Variants in RASGRF2 observed in about 807,000 individuals in gnomAD.
RASGRF2 encodes the protein Ras protein specific guanine nucleotide releasing factor 2.
RASGRF2 carries 76 observed loss-of-function variants against 151.0 expected under a neutral mutation model. That is an observed-to-expected ratio of 0.50 (90% CI 0.42 to 0.61). RASGRF2 has a LOEUF of 0.61. Among genes scored for constraint, RASGRF2 ranks in the 20% least tolerant of loss-of-function variants. The probability of loss-of-function intolerance (pLI) is 0.00; values close to 1 mark genes in which losing one functional copy is unlikely to be tolerated. For synonymous variants in RASGRF2, 504 were observed against 566.5 expected, an observed-to-expected ratio of 0.89 and a Z score of 1.57; for missense variants, 1,148 against 1,564.6, an observed-to-expected ratio of 0.73 and a Z score of 4.49.
At chr5:81,108,881 T>TGTGTGTGTG in intron 12 of RASGRF2, 115 bp from the exon 13 acceptor site, 1 of 859,996 alleles carries the variant, frequency 1.2e-6, no homozygotes, top group Non-Finnish European at 1.6e-6. Context: ...TGTGTGTGTG[T>TGTGTGTGTG]AAGAGACAGG....
chr5:81,178,435 G>A (rs1754832797), intron 17 of RASGRF2, among the ~76,000 whole-genome samples: 1 of 152,178 alleles, frequency 6.6e-6, no homozygotes, highest in South Asian at 2.1e-4. Flanking sequence ...AGTTTGAAGT[G>A]TGTTTGAAAC....
intron 12 of RASGRF2, among the ~76,000 whole-genome samples, chr5:81,103,044 T>C (rs913473385): frequency 2.0e-5 from 3 of 151,784 alleles, no homozygotes; most frequent in Admixed American, 2.0e-4. Flanking sequence ...TAAAGTATAA[T>C]AAAACTATAA....
At chr5:81,172,429 ATGTGCG>A (rs772484954) in intron 17 of RASGRF2, among the ~76,000 whole-genome samples, 9 of 115,166 alleles carry the variant, frequency 7.8e-5, no homozygotes, top group East Asian at 2.7e-4. Flanking sequence ...GTCTACAAGG[ATGTGCG>A]TGTGTGTGTG....
chr5:81,068,828 C>T (rs968187486), intron 3 of RASGRF2, among the ~76,000 whole-genome samples: 1 of 152,078 alleles, frequency 6.6e-6, no homozygotes, highest in African/African-American at 2.4e-5. Context: ...TGCCTGAGTC[C>T]TCCCTCCCTC....
At chr5:81,021,329 TA>T (rs1472782837) in intron 1 of RASGRF2, among the ~76,000 whole-genome samples, 2 of 150,426 alleles carry the variant, frequency 1.3e-5, no homozygotes, top group Admixed American at 6.7e-5. Context: ...TATGCTTAGA[TA>T]TACAAATAAA....
At chr5:81,202,511 C>T (rs1755420219) in intron 19 of RASGRF2, among the ~76,000 whole-genome samples, 1 of 152,120 alleles carries the variant, frequency 6.6e-6, no homozygotes, top group South Asian at 2.1e-4. Context: ...TTTCTTAGCC[C>T]CCATTAGCTG....
At chr5:81,022,869 A>C (rs906989750) in intron 1 of RASGRF2, among the ~76,000 whole-genome samples, 1 of 152,214 alleles carries the variant, frequency 6.6e-6, no homozygotes, top group Non-Finnish European at 1.5e-5. Context: ...CCCAGTGACA[A>C]AGGGTTGCGT....
chr5:81,068,483 G>C (rs1435978900), intron 3 of RASGRF2, among the ~76,000 whole-genome samples: 3 of 150,006 alleles, frequency 2.0e-5, no homozygotes, highest in Non-Finnish European at 1.5e-5. Context: ...GCATTTAACT[G>C]TTTTCAGATA....
chr5:81,068,140 T>C lies in RASGRF2; in HGVS notation c.504T>C (p.Leu168=), dbSNP rs770247185. Residue 168 remains leucine (L), a synonymous_variant, in exon 3 of 27, where the codon CTT becomes CTC. Coordinates refer to ENST00000265080, the MANE Select transcript of RASGRF2 (RefSeq NM_006909.3). ...CAGCTAACCAACTCCGACATCAACT[T>C]GAAGATCAAGACACAGAAATCGAAA... The part of the protein sequence containing the change: ...KIAANQLRHQ[L]EDQDTEIERL... 4 of 1,613,018 alleles carry C rather than the reference T, an allele frequency of 2.5e-6. No individual in the cohort carries two copies. Among genetic ancestry groups the C allele is most frequent in the Non-Finnish European group, 3.4e-6 (4 of 1,179,418 alleles).
intron 1 of RASGRF2, among the ~76,000 whole-genome samples, chr5:80,972,708 G>C (rs1053902504): frequency 2.0e-5 from 3 of 152,160 alleles, no homozygotes; most frequent in African/African-American, 4.8e-5. Context: ...TTGAACTCCT[G>C]ACTTCAAGTG....
At position 80,974,906 on chromosome 5, in the gene RASGRF2, G is replaced by A. The variant is rs78323343; in HGVS notation, c.288+13880G>A. ...AGGATTTACTTTTGCTTTCTTGCAGGCATTAGTGTGGGGGCACATTCTATT... is the reference window on the plus strand; with the variant it reads ...AGGATTTACTTTTGCTTTCTTGCAGACATTAGTGTGGGGGCACATTCTATT... On this transcript the variant is annotated intron_variant, in intron 1 of 26. Transcript: ENST00000265080. Among the ~76,000 whole-genome samples, 1,514 of 152,214 alleles carry A rather than the reference G, an allele frequency of 9.9e-3. 21 individuals are homozygous for A. The highest frequency in any genetic ancestry group is 0.034 in the African/African-American group (1,426 of 41,520).
chr5:81,142,109 A>G (rs1753897850), intron 17 of RASGRF2, among the ~76,000 whole-genome samples: 1 of 152,226 alleles, frequency 6.6e-6, no homozygotes, highest in Non-Finnish European at 1.5e-5. Flanking sequence ...AAATTTGGGC[A>G]GGAATTACAT....
rs77818309 is a variant in RASGRF2 at position 81,086,672 on chromosome 5, A to G, written c.1272-163A>G. Reference sequence around the variant, plus strand: ...AGGCACATTGGCTTTGTTTTTGGTCATGACCTGTTGAAGCCTGGAAAGATC... The same window carrying G: ...AGGCACATTGGCTTTGTTTTTGGTCGTGACCTGTTGAAGCCTGGAAAGATC... On this transcript the variant is annotated intron_variant, in intron 8 of 26. Transcript: ENST00000265080. Among the ~76,000 whole-genome samples, 38 of 152,292 alleles carry G rather than the reference A, an allele frequency of 2.5e-4. 1 individual carries two copies. The East Asian group carries it at 6.6e-3, about 26-fold the overall frequency.
intron 17 of RASGRF2, among the ~76,000 whole-genome samples, chr5:81,145,754 C>T (rs149200215): frequency 3.3e-5 from 5 of 152,340 alleles, no homozygotes; most frequent in African/African-American, 1.2e-4. Flanking sequence ...CCCTAGTGGA[C>T]ACCTGGACTC....
At chr5:80,968,803 C>T (rs890757311) in intron 1 of RASGRF2, among the ~76,000 whole-genome samples, 1 of 152,094 alleles carries the variant, frequency 6.6e-6, no homozygotes. Context: ...CCTTCCTCAG[C>T]CTCCCAAGTA....
chr5:80,974,667 C>T (rs1392233621), intron 1 of RASGRF2, among the ~76,000 whole-genome samples: 10 of 126,894 alleles, frequency 7.9e-5, no homozygotes, highest in African/African-American at 2.6e-4. Context: ...GGAGGTGTCC[C>T]TTCCCACCTT....
intron 1 of RASGRF2, among the ~76,000 whole-genome samples, chr5:81,030,072 A>G (rs891180117): frequency 2.0e-5 from 3 of 152,198 alleles, no homozygotes; most frequent in South Asian, 2.1e-4. Flanking sequence ...GATCAAATAA[A>G]TGAAATGAAG....
Position 81,199,529 on chromosome 5 carries a change from C to G in RASGRF2, c.2794-1801C>G, listed in dbSNP as rs566324382. On this transcript the variant is annotated intron_variant, in intron 18 of 26. Transcript: ENST00000265080. ...ACTGTTAATTCTGTTCTCTAATACA[C>G]TTCATTCAACCATTTTAGCATTCAG... 7.6e-4 allele frequency among the ~76,000 whole-genome samples: 116 copies of G among 152,312 alleles called. 1 individual carries two copies. The highest frequency in any genetic ancestry group is 2.1e-3 in the East Asian group (11 of 5,176).
intron 18 of RASGRF2, among the ~76,000 whole-genome samples, chr5:81,200,258 G>C (rs1755356748): frequency 6.7e-6 from 1 of 148,526 alleles, no homozygotes; most frequent in Non-Finnish European, 1.5e-5. Context: ...GTGACAGAGA[G>C]AGACCCTGTG....
Sources: allele counts gnomAD v4.1 joint callset (sites outside exome capture counted in the v4.1 genomes callset), GRCh38; gene constraint gnomAD v4.1.1; transcripts MANE v1.5; gene names NCBI Gene and HGNC (gene_info 2026-07-23, HGNC 2026-07-21).